POLA2: variants seen among roughly 807,000 people sequenced by gnomAD.
POLA2 encodes the protein DNA polymerase alpha subunit B.
POLA2 carries 47 observed loss-of-function variants against 82.8 expected under a neutral mutation model. The ratio of observed to expected loss-of-function variants is 0.57; its 90% CI spans 0.45 to 0.72. The LOEUF (loss-of-function observed/expected upper bound fraction) is 0.72. Among genes scored for constraint, POLA2 ranks in the 30% least tolerant of loss-of-function variants. The probability of loss-of-function intolerance (pLI) is 0.00; values close to 1 mark genes in which losing one functional copy is unlikely to be tolerated. For missense variants in POLA2, 634 were observed against 728.1 expected, an observed-to-expected ratio of 0.87 and a Z score of 1.49; for synonymous variants, 287 against 286.8, an observed-to-expected ratio of 1.00 and a Z score of -0.01.
rs377719896 is a variant in POLA2, at chr11:65,283,453, A to G, written c.1006+932A>G. Among the ~76,000 whole-genome samples, 10 of 152,206 alleles carry G rather than the reference A, an allele frequency of 6.6e-5. No homozygotes were observed. In the East Asian group the frequency reaches 1.2e-3, roughly 18 times the overall value. On this transcript the variant is annotated intron_variant, in intron 10 of 17. Transcript: ENST00000265465. ...CTCTACAATTCTAAATTTGTTCTAA[A>G]GTGAAAACTTAAAAATAACTTCCTT...
At position 65,266,664 on chromosome 11, in the gene POLA2, A is replaced by G; in HGVS notation, c.162A>G (p.Lys54=). The change falls in exon 2 of 18, where the codon AAA becomes AAG. Residue 54 remains lysine (K), a synonymous_variant. Transcript: ENST00000265465. ...TAGCCTTCTGCACCAGCACACATAA[A>G]GTTGGCCTTACCTCAGAGATCCTGA... ...ELIAFCTSTH[K]VGLTSEILNS... 6.2e-7 allele frequency: 1 copy of G among 1,614,196 alleles called. No homozygotes were observed. Among genetic ancestry groups the G allele is most frequent in the South Asian group, 1.1e-5 (1 of 91,088 alleles).
At chr11:65,279,049 A>T (rs764324319) in intron 6 of POLA2, 126 bp downstream of exon 6, 18 of 732,944 alleles carry the variant, frequency 2.5e-5, no homozygotes, top group Non-Finnish European at 4.0e-5. Context: ...GAGTTGGTAG[A>T]TGTCCTCATG....
intron 5 of POLA2, among the ~76,000 whole-genome samples, chr11:65,276,699 C>A (rs1380921658): frequency 6.6e-6 from 1 of 152,108 alleles, no homozygotes; most frequent in African/African-American, 2.4e-5. Context: ...TAGTATTAAC[C>A]CTTCAGGGAA....
chr11:65,288,516 T>TG (rs1167472754), intron 11 of POLA2, among the ~76,000 whole-genome samples: 4 of 146,016 alleles, frequency 2.7e-5, no homozygotes, highest in South Asian at 2.2e-4. Flanking sequence ...TTTTTTGTTT[T>TG]TTTTTTTTTT....
chr11:65,285,576 A>C (rs1949687728), intron 10 of POLA2, among the ~76,000 whole-genome samples: 1 of 146,316 alleles, frequency 6.8e-6, no homozygotes. Context: ...TCCTATCTCA[A>C]AAAAAAAAAA....
At chr11:65,268,575 C>A in intron 3 of POLA2, 97 bp from the exon 4 acceptor site, 1 of 723,192 alleles carries the variant, frequency 1.4e-6, no homozygotes, top group Non-Finnish European at 2.4e-6. Context: ...GTCTCCTGAT[C>A]TCGTGATCCG....
chr11:65,301,893 G>C (rs760397097), downstream of POLA2, among the ~76,000 whole-genome samples: 9 of 152,140 alleles, frequency 5.9e-5, no homozygotes, highest in Non-Finnish European at 5.9e-5. Context: ...TGCTGCTTTC[G>C]TGGGTCAGCC....
In POLA2 at chr11:65,294,208, G is replaced by A. The variant is rs142790860; in HGVS notation, c.1300G>A (p.Val434Met). 6.2e-7 allele frequency: 1 copy of A among 1,614,132 alleles called. No homozygotes were observed. Among genetic ancestry groups the A allele is most frequent in the East Asian group, 2.2e-5 (1 of 44,876 alleles). The change falls in exon 14 of 18, where the codon GTG becomes ATG. Residue 434 changes from valine to methionine, a missense_variant. Val to Met is a conservative substitution (Grantham distance 21). Coordinates refer to ENST00000265465, the MANE Select transcript of POLA2 (RefSeq NM_002689.4). ...PSLRDVHHEP[V>M]YPQPPFSYSD... ...ATTGAGAGATGTGCACCATGAGCCTGTGTACCCCCAGCCGCCTTTCAGCTA... is the reference window on the plus strand; with the variant it reads ...ATTGAGAGATGTGCACCATGAGCCTATGTACCCCCAGCCGCCTTTCAGCTA...
chr11:65,279,420 C>T (rs1949616425), intron 6 of POLA2, 118 bp from the exon 7 acceptor site: 2 of 686,228 alleles, frequency 2.9e-6, no homozygotes, highest in South Asian at 1.9e-5. Flanking sequence ...GATGTCCAGG[C>T]ACCCTTCCTG....
chr11:65,265,580 A>G (rs1449464196), intron 1 of POLA2, among the ~76,000 whole-genome samples: 1 of 152,092 alleles, frequency 6.6e-6, no homozygotes, highest in Admixed American at 6.5e-5. Flanking sequence ...TCCTTGGCTC[A>G]AGCAATCCTT....
chr11:65,278,838 C>T lies in POLA2; in HGVS notation c.570C>T (p.Asn190=), dbSNP rs778887186. 23 of 1,613,750 alleles carry T rather than the reference C, an allele frequency of 1.4e-5. No individual in the cohort carries two copies. Among genetic ancestry groups the T allele is most frequent in the Admixed American group, 5.0e-5 (3 of 60,000 alleles). The change falls in exon 6 of 18, where the codon AAC becomes AAT. Residue 190 remains asparagine (N), a synonymous_variant. Transcript: ENST00000265465. ...VSWSGRGGAG[N]ISLKVLGCPE... ...GGTCTGGGAGAGGAGGAGCTGGAAA[C>T]ATCAGCCTGAAGGTCTTGGGATGTC...
At position 65,297,326 on chromosome 11, in the gene POLA2, C is replaced by A; in HGVS notation, c.*57C>A. ...GGGCCCTTAAAGTCTTAGCCAAGAG[C>A]CAAGACATAGCCCTGTGACAAGGTG... is the stretch of plus-strand genomic sequence containing the variant. On this transcript the variant is annotated 3_prime_UTR_variant, in exon 18 of 18. Transcript: ENST00000265465. 1 of 1,508,782 alleles carries A rather than the reference C, an allele frequency of 6.6e-7. No individual in the cohort carries two copies. The highest frequency in any genetic ancestry group is 8.9e-7 in the Non-Finnish European group (1 of 1,129,788). The allele number at this position is 1,508,782 out of a possible 1,614,324, so 93.5% of individuals were successfully genotyped here. A position where few individuals can be genotyped will look rare whatever the true frequency, so the allele number is the denominator to read the frequency against.
At chr11:65,292,858 T>C (rs1384525206) in intron 13 of POLA2, among the ~76,000 whole-genome samples, 2 of 152,178 alleles carry the variant, frequency 1.3e-5, no homozygotes, top group Non-Finnish European at 2.9e-5. Context: ...GTGAGAGCTA[T>C]TGGTGGATTT....
chr11:65,268,456 A>G (rs547473068), intron 3 of POLA2, among the ~76,000 whole-genome samples: 2 of 150,426 alleles, frequency 1.3e-5, no homozygotes, highest in Non-Finnish European at 3.0e-5. Context: ...GGTTCATGCC[A>G]TTCTCCTGCC....
At chr11:65,276,076 A>G (rs1324873584) in intron 5 of POLA2, 78 bp downstream of exon 5, 5 of 746,382 alleles carry the variant, frequency 6.7e-6, no homozygotes, top group Non-Finnish European at 1.1e-5. Flanking sequence ...GAAGGCTAAC[A>G]GCAGAGTTAT....
At chr11:65,271,754 G>C (rs1010173265) in intron 4 of POLA2, among the ~76,000 whole-genome samples, 1 of 150,168 alleles carries the variant, frequency 6.7e-6, no homozygotes. Flanking sequence ...CAGGAGAATC[G>C]CTTGAACCCG....
At position 65,263,220 on chromosome 11, in the gene POLA2, CTTTTTTTTTTT is replaced by C. The variant is rs547474910; in HGVS notation, c.79+860_79+870del. On this transcript the variant is annotated intron_variant, in intron 1 of 17. Transcript: ENST00000265465. ...CATGCCCAGTGCCTTCTCTCTCTCT[CTTTTTTTTTTT>C]TTTTTTTTTTGACAGTCTTGTTTTA... 2.0e-4 allele frequency among the ~76,000 whole-genome samples: 25 copies of C among 123,202 alleles called. No homozygotes were observed. The South Asian group carries it at 6.5e-3, about 32-fold the overall frequency. The allele number at this position is 123,202 out of a possible 152,430, so 80.8% of individuals were successfully genotyped here. A position where few individuals can be genotyped will look rare whatever the true frequency, so the allele number is the denominator to read the frequency against.
downstream of POLA2, among the ~76,000 whole-genome samples, chr11:65,299,027 A>G (rs1949842801): frequency 6.6e-6 from 1 of 152,216 alleles, no homozygotes; most frequent in South Asian, 2.1e-4. Flanking sequence ...GCCACCAGAC[A>G]GTTCCTTTTT....
intron 10 of POLA2, among the ~76,000 whole-genome samples, chr11:65,284,898 T>TG (rs1264194711): frequency 6.6e-6 from 1 of 152,196 alleles, no homozygotes; most frequent in African/African-American, 2.4e-5. Flanking sequence ...ACTAGCATGT[T>TG]GTCAACACCC....
Sources: allele counts gnomAD v4.1 joint callset (sites outside exome capture counted in the v4.1 genomes callset), GRCh38; gene constraint gnomAD v4.1.1; transcripts MANE v1.5; gene names NCBI Gene and HGNC (gene_info 2026-07-23, HGNC 2026-07-21).